The following FLNC variants were observed in gnomAD, a reference collection of about 807,000 sequenced individuals.
FLNC encodes filamin-C.
Under a neutral mutation model 254.3 loss-of-function variants are expected in FLNC, and 91 were observed. The ratio of observed to expected loss-of-function variants is 0.36; its 90% CI spans 0.30 to 0.43. The LOEUF is 0.43. Ranked by LOEUF, FLNC falls within the 20% of genes least tolerant of loss-of-function variation. FLNC has a pLI of 1.00. For synonymous variants in FLNC, 1,430 were observed against 1,577.2 expected (o/e 0.91, Z 2.21); for missense variants, 2,853 against 3,802.6 (o/e 0.75, Z 6.57).
rs1386117166 is a variant in FLNC, at chr7:128,857,409, A to C, written c.7780+73A>C. 1 of 925,396 alleles carries C rather than the reference A, an allele frequency of 1.1e-6. No individual in the cohort carries two copies. The highest frequency in any genetic ancestry group is 2.0e-5 in the Admixed American group (1 of 50,920). The allele number at this position is 925,396 out of a possible 1,614,324, so 57.3% of individuals were successfully genotyped here. A position where few individuals can be genotyped will look rare whatever the true frequency, so the allele number is the denominator to read the frequency against. ...GCCTGGAGGGCTCCGGTGGCCACGCACATCTAGGCCATAGTCTGCCCCCAG... is the reference window on the plus strand; with the variant it reads ...GCCTGGAGGGCTCCGGTGGCCACGCCCATCTAGGCCATAGTCTGCCCCCAG... On this transcript the variant is annotated intron_variant, in intron 46 of 47. Coordinates refer to ENST00000325888, the MANE Select transcript of FLNC (RefSeq NM_001458.5). This position sits in a 1 kb window ranked among gnomAD's most constrained non-coding sequence, Gnocchi z 4.5.
Position 128,839,967 on chromosome 7 carries a change from G to A in FLNC, c.1412-56G>A, listed in dbSNP as rs943315242. 6.9e-6 allele frequency: 11 copies of A among 1,598,944 alleles called. No individual in the cohort carries two copies. In the African/African-American group the frequency reaches 1.3e-4, roughly 19 times the overall value. ...GAAGGACTGTGCACAGGGAGGTGGG[G>A]GCTAGTGGTCCAAGGCCCCTCAGCA... is the stretch of plus-strand genomic sequence containing the variant. On this transcript the variant is annotated intron_variant, in intron 8 of 47. Transcript: ENST00000325888.
At chr7:128,853,390 C>T in intron 37 of FLNC, 79 bp from the exon 38 acceptor site, 1 of 1,569,640 alleles carries the variant, frequency 6.4e-7, no homozygotes. Flanking sequence ...CTGGGTGGAG[C>T]CTGCAGTCTG....
At position 128,848,007 on chromosome 7, in the gene FLNC, C is replaced by A; in HGVS notation, c.4519C>A (p.Pro1507Thr). Residue 1507 changes from proline to threonine, a missense_variant, in exon 26 of 48, where the codon CCA becomes ACA. Transcript: ENST00000325888. ...GDGTHTVHYT[P>T]ATDGPYTVAV... ...TGGCACCCACACTGTCCACTACACCCCAGCCACTGACGGGCCCTACACGGT... is the reference window on the plus strand; with the variant it reads ...TGGCACCCACACTGTCCACTACACCACAGCCACTGACGGGCCCTACACGGT... 1 of 1,609,026 alleles carries A rather than the reference C, an allele frequency of 6.2e-7. No individual in the cohort carries two copies. The highest frequency in any genetic ancestry group is 2.2e-5 in the East Asian group (1 of 44,562).
At chr7:128,840,198 G>A (rs1403592534) in intron 9 of FLNC, 38 bp downstream of exon 9, 1 of 1,610,966 alleles carries the variant, frequency 6.2e-7, no homozygotes, top group Admixed American at 1.7e-5. Context: ...GGTGGGGCTG[G>A]GGGATCATAA....
intron 24 of FLNC, among the ~76,000 whole-genome samples, chr7:128,847,346 T>A (rs1385859011): frequency 6.6e-6 from 1 of 152,274 alleles, no homozygotes; most frequent in Non-Finnish European, 1.5e-5. Flanking sequence ...CTGCTGAAAT[T>A]GGAAATTTTT....
chr7:128,853,652 A>C lies in FLNC; in HGVS notation c.6361+31A>C, dbSNP rs1166506765. On this transcript the variant is annotated intron_variant, in intron 38 of 47. Coordinates refer to ENST00000325888, the MANE Select transcript of FLNC (RefSeq NM_001458.5). ...GCTCTGGGCAGAGGTCGGTGGCGAG[A>C]GACAGGGAGGCCAGGAGGCTGGGGC... 1.9e-6 allele frequency: 3 copies of C among 1,613,908 alleles called. No individual in the cohort carries two copies. In the African/African-American group the frequency reaches 4.0e-5, roughly 22 times the overall value.
intron 40 of FLNC, 22 bp downstream of exon 40, chr7:128,854,238 G>T: frequency 1.2e-6 from 2 of 1,605,042 alleles, no homozygotes. Flanking sequence ...ACACTGGGCC[G>T]GCCGGGTCCT....
intron 21 of FLNC, 130 bp downstream of exon 21, chr7:128,845,385 C>G (rs899356595): frequency 3.9e-6 from 3 of 775,014 alleles, no homozygotes; most frequent in Non-Finnish European, 6.6e-6. Flanking sequence ...CTCGGAGCAG[C>G]CCCAGAGTCC....
chr7:128,854,217 G>T lies in FLNC; in HGVS notation c.6727+1G>T. 6.2e-7 allele frequency: 1 copy of T among 1,607,032 alleles called. No individual in the cohort carries two copies. The highest frequency in any genetic ancestry group is 2.2e-5 in the East Asian group (1 of 44,804). On this transcript the variant is annotated splice_donor_variant, in intron 40 of 47. Coordinates refer to ENST00000325888, the MANE Select transcript of FLNC (RefSeq NM_001458.5). LOFTEE classifies it high-confidence loss of function. ...GGCAGCATCACCCGGCAGCAGGAGG[G>T]TGAGCACCGCACACTGGGCCGGCCG...
rs1808049445 is a variant in FLNC at position 128,835,258 on chromosome 7, A to C, written c.353-68A>C. The stretch of plus-strand genomic sequence containing the variant: ...TCTGGCCCGAGGAGCTGCGCAGGTG[A>C]GGGAGGGTGCTCTGGGGCAGTGGAG... On this transcript the variant is annotated intron_variant, in intron 1 of 47. Transcript: ENST00000325888. The surrounding 1 kb of genome is among the most constrained non-coding windows in gnomAD (Gnocchi z 5.3). The C allele has an allele frequency of 6.2e-7, 1 of 1,607,896 alleles. No homozygotes were observed.
chr7:128,856,925 A>T lies in FLNC; in HGVS notation c.7561+4A>T. On this transcript the variant is annotated splice_donor_region_variant and intron_variant, in intron 45 of 47. Coordinates refer to ENST00000325888, the MANE Select transcript of FLNC (RefSeq NM_001458.5). This position sits in a 1 kb window ranked among gnomAD's most constrained non-coding sequence, Gnocchi z 5.9. Reference sequence around the variant, plus strand: ...GGGCTCGAGGGAGGCACTACCGGTGAGTGCCTGGAGCTGGGGAACAGGGTG... The same window carrying T: ...GGGCTCGAGGGAGGCACTACCGGTGTGTGCCTGGAGCTGGGGAACAGGGTG... The T allele has an allele frequency of 6.2e-7, 1 of 1,613,618 alleles. No homozygotes were observed. Among genetic ancestry groups the T allele is most frequent in the Non-Finnish European group, 8.5e-7 (1 of 1,179,720 alleles).
At position 128,844,994 on chromosome 7, in the gene FLNC, A is replaced by G. The variant is rs748850596; in HGVS notation, c.3529A>G (p.Thr1177Ala). 6 of 1,613,650 alleles carry G rather than the reference A, an allele frequency of 3.7e-6. No individual in the cohort carries two copies. The East Asian group carries it at 1.3e-4, about 36-fold the overall frequency. ...CAAGGTCGGTGAGGCAGCCACCTTC[A>G]CTGTGGACTGCTCAGAGGCAGGCGA... ...RGKVGEAATF[T>A]VDCSEAGEAE... Residue 1177 changes from threonine to alanine, a missense_variant, in exon 21 of 48, where the codon ACT becomes GCT. This residue lies in a region of FLNC where 1,573 missense variants were observed against 1,883.5 expected (regional missense o/e 0.84). Coordinates refer to ENST00000325888, the MANE Select transcript of FLNC (RefSeq NM_001458.5).
In FLNC at chr7:128,858,209, G is replaced by A. The variant is rs781053612; in HGVS notation, c.7982G>A (p.Ser2661Asn). 2.7e-6 allele frequency: 4 copies of A among 1,472,258 alleles called. No homozygotes were observed. The highest frequency in any genetic ancestry group is 3.4e-5 in the Admixed American group (2 of 59,536). The allele number at this position is 1,472,258 out of a possible 1,614,324, so 91.2% of individuals were successfully genotyped here. Reference protein sequence around the residue: ...GQKNSFTVDCSKAGTNMMMVG... With the variant: ...GQKNSFTVDCNKAGTNMMMVG... ...AAGAACTCCTTCACCGTGGACTGCAGCAAAGCAGGCAGGTGGCGGGGGGAG... is the reference window on the plus strand; with the variant it reads ...AAGAACTCCTTCACCGTGGACTGCAACAAAGCAGGCAGGTGGCGGGGGGAG... The change falls in exon 47 of 48, where the codon AGC (serine) becomes AAC (asparagine). Residue 2661 changes from serine (S) to asparagine (N), a missense_variant. Coordinates refer to ENST00000325888, the MANE Select transcript of FLNC (RefSeq NM_001458.5). The surrounding 1 kb of genome is among the most constrained non-coding windows in gnomAD (Gnocchi z 6.7).
chr7:128,842,506 C>T lies in FLNC; in HGVS notation c.2266-69C>T, dbSNP rs1010307408. 2.7e-5 allele frequency: 42 copies of T among 1,556,324 alleles called. No homozygotes were observed. The highest frequency in any genetic ancestry group is 2.2e-4 in the Middle Eastern group (1 of 4,608). ...TTGGGCTGGTGCCACTGAGGCTGGG[C>T]CGGGTGCGCTGGGCAGGAGGATGAG... On this transcript the variant is annotated intron_variant, in intron 14 of 47. Transcript: ENST00000325888. The surrounding 1 kb of genome is among the most constrained non-coding windows in gnomAD (Gnocchi z 5.4).
chr7:128,838,655 G>A lies in FLNC; in HGVS notation c.1263G>A (p.Arg421=), dbSNP rs562164955. 6.2e-7 allele frequency: 1 copy of A among 1,613,048 alleles called. No individual in the cohort carries two copies. The highest frequency in any genetic ancestry group is 2.2e-5 in the East Asian group (1 of 44,884). ...AVVIVDPQGR[R]DTVEVALEDK... is the part of the protein sequence containing the mutation. Reference sequence around the variant, plus strand: ...TGATCGTGGACCCACAGGGCCGGCGGGACACAGTGGAGGTGGCCCTGGAGG... The same window carrying A: ...TGATCGTGGACCCACAGGGCCGGCGAGACACAGTGGAGGTGGCCCTGGAGG... Residue 421 remains arginine, a synonymous_variant, in exon 8 of 48, where the codon CGG becomes CGA. Transcript: ENST00000325888.
chr7:128,850,696 C>G (rs1166593654), intron 32 of FLNC, 107 bp from the exon 33 acceptor site: 3 of 1,529,168 alleles, frequency 2.0e-6, no homozygotes, highest in Non-Finnish European at 2.7e-6. Flanking sequence ...TCTCTTGATG[C>G]CTGGCTTCTC....
Position 128,846,372 on chromosome 7 carries a change from G to A in FLNC, c.4036G>A (p.Glu1346Lys), listed in dbSNP as rs780573092. The A allele has an allele frequency of 3.7e-6, 6 of 1,612,776 alleles. No homozygotes were observed. The highest frequency in any genetic ancestry group is 3.3e-5 in the South Asian group (3 of 91,082). ...GAGCCCCTTCCGAGTGGGCGTGACC[G>A]AGGGCTGTGATCCCACCCGCGTCCG... ...PKSPFRVGVT[E>K]GCDPTRVRAF... Residue 1346 changes from glutamate to lysine, a missense_variant, in exon 23 of 48, where the codon GAG becomes AAG. Glu to Lys is a moderately conservative substitution (Grantham distance 56). Around this residue, in one of 10 missense-constraint regions of FLNC, gnomAD observed 1,573 missense variants for 1,883.5 expected, o/e 0.84. Transcript: ENST00000325888.
rs1809121843 is a variant in FLNC, at chr7:128,857,606, C to T, written c.7780+270C>T. ...TCAGGCTCTAGCACCACTTTCTTCCCTCCTGGCTTCCCATATTCCTCCGCT... is the reference window on the plus strand; with the variant it reads ...TCAGGCTCTAGCACCACTTTCTTCCTTCCTGGCTTCCCATATTCCTCCGCT... On this transcript the variant is annotated intron_variant, in intron 46 of 47. Coordinates refer to ENST00000325888, the MANE Select transcript of FLNC (RefSeq NM_001458.5). This position sits in a 1 kb window ranked among gnomAD's most constrained non-coding sequence, Gnocchi z 4.5. 6.6e-6 allele frequency among the ~76,000 whole-genome samples: 1 copy of T among 151,648 alleles called. No individual in the cohort carries two copies. The highest frequency in any genetic ancestry group is 2.4e-5 in the African/African-American group (1 of 40,982).
chr7:128,834,311 GCCC>G (rs34045649), intron 1 of FLNC, among the ~76,000 whole-genome samples: 2 of 125,496 alleles, frequency 1.6e-5, no homozygotes, highest in African/African-American at 6.4e-5. Context: ...GGATCTAGGC[GCCC>G]CCCCCCCCCA....
Sources: gnomAD v4.1 joint callset for allele counts (sites outside exome capture counted in the v4.1 genomes callset) on GRCh38, gnomAD v4.1.1 for gene constraint, gnomAD v4.1.1 regional missense constraint, Gnocchi (gnomAD v3.1) non-coding constraint, MANE v1.5 for transcripts, NCBI Gene and HGNC (gene_info 2026-07-23, HGNC 2026-07-21) for gene names.